Variants in OSBPL10 observed in about 807,000 individuals in gnomAD.
OSBPL10 encodes the protein oxysterol binding protein like 10.
In OSBPL10, 49 loss-of-function variants were observed where a neutral mutation model predicts 81.7. The ratio of observed to expected loss-of-function variants is 0.60; its 90% confidence interval spans 0.48 to 0.76. The LOEUF is 0.76. Ranked by LOEUF, OSBPL10 falls within the 30% of genes least tolerant of loss-of-function variation. The probability of loss-of-function intolerance (pLI) is 0.00; values close to 1 mark genes in which losing one functional copy is unlikely to be tolerated. For missense variants in OSBPL10, 923 were observed against 987.8 expected (o/e 0.93, Z 0.88); for synonymous variants, 419 against 383.6 (o/e 1.09, Z -1.08).
rs149648910 is a variant in OSBPL10, at chr3:31,708,696, T to C, written c.1096-6188A>G. ...GTTTTGGCATATGAATGCCAAATGG[T>C]TGATCCTGATGAACCTACTGTCCTT... On this transcript the variant is annotated intron_variant, in intron 6 of 11. Coordinates refer to ENST00000396556, the MANE Select transcript of OSBPL10 (RefSeq NM_017784.5). 1.7e-3 allele frequency: 1,691 copies of C among 980,654 alleles called. 2 individuals carry two copies. The highest frequency in any genetic ancestry group is 2.3e-3 in the Admixed American group (38 of 16,278). The allele number at this position is 980,654 out of a possible 1,614,324, so 60.7% of individuals were successfully genotyped here. A position where few individuals can be genotyped will look rare whatever the true frequency, so the allele number is the denominator to read the frequency against.
At chr3:31,978,554 C>G (rs754992158) in intron 1 of OSBPL10, among the ~76,000 whole-genome samples, 7 of 152,176 alleles carry the variant, frequency 4.6e-5, no homozygotes, top group Non-Finnish European at 7.3e-5. Context: ...GTAATCTTCT[C>G]CAAACCACTA....
At chr3:31,705,377 C>A (rs1256374826) in intron 6 of OSBPL10, among the ~76,000 whole-genome samples, 2 of 137,436 alleles carry the variant, frequency 1.5e-5, no homozygotes, top group Admixed American at 7.2e-5. Context: ...AGAAGACCCC[C>A]CCCCCCACCC....
intron 1 of OSBPL10, among the ~76,000 whole-genome samples, chr3:31,898,855 T>C (rs1436359433): frequency 5.3e-5 from 8 of 152,030 alleles, no homozygotes; most frequent in Non-Finnish European, 2.9e-5. Context: ...TGGATTCTTT[T>C]TAAGGACAGA....
chr3:32,052,118 G>A (rs1038101048), intron 1 of OSBPL10, among the ~76,000 whole-genome samples: 4 of 151,890 alleles, frequency 2.6e-5, no homozygotes, highest in South Asian at 4.2e-4. Context: ...GTGGTGGCAT[G>A]CACCTGTGGT....
At chr3:31,916,274 T>A (rs1030334541) in intron 1 of OSBPL10, among the ~76,000 whole-genome samples, 4 of 152,198 alleles carry the variant, frequency 2.6e-5, no homozygotes, top group African/African-American at 9.6e-5. Flanking sequence ...TAAGTTAACA[T>A]GCAGAAATCA....
Position 32,012,661 on chromosome 3 carries a change from A to C in OSBPL10, n.298+33830T>G, listed in dbSNP as rs1048797164. On this transcript the variant is annotated intron_variant and non_coding_transcript_variant, in intron 2 of 3. Transcript: ENST00000479173. ...ACACAGACTGGCAAATTGGATCAAG[A>C]GTCAAGACCCATCAGTGTGCTGTAT... is the stretch of plus-strand genomic sequence containing the variant. Among the ~76,000 whole-genome samples the C allele has an allele frequency of 5.9e-5, 9 of 152,224 alleles. 1 individual carries two copies. The highest frequency in any genetic ancestry group is 1.2e-4 in the Non-Finnish European group (8 of 68,044).
At chr3:31,986,847 T>A (rs577342696) in intron 2 of OSBPL10, among the ~76,000 whole-genome samples, 12 of 151,928 alleles carry the variant, frequency 7.9e-5, no homozygotes, top group African/African-American at 2.7e-4. Flanking sequence ...TCCAAAAAAA[T>A]TTTTAAAATA....
chr3:31,814,541 A>T (rs1193975147), intron 4 of OSBPL10, among the ~76,000 whole-genome samples: 1 of 152,154 alleles, frequency 6.6e-6, no homozygotes, highest in Non-Finnish European at 1.5e-5. Flanking sequence ...ACGCCACAGG[A>T]CACAGGTGCC....
intron 8 of OSBPL10, among the ~76,000 whole-genome samples, chr3:31,678,044 G>T (rs149703187): frequency 0.053 from 7,496 of 141,360 alleles, 768 homozygotes; most frequent in African/African-American, 0.2. Context: ...TTGCGCCACT[G>T]CAGTCCGCAG....
chr3:31,851,881 C>T (rs1700776078), intron 3 of OSBPL10, among the ~76,000 whole-genome samples: 1 of 152,154 alleles, frequency 6.6e-6, no homozygotes, highest in Non-Finnish European at 1.5e-5. Context: ...CACTCTGCAT[C>T]CCTTTCTGGG....
chr3:31,878,422 CA>C (rs1701533143), intron 2 of OSBPL10, among the ~76,000 whole-genome samples: 3 of 152,146 alleles, frequency 2.0e-5, no homozygotes, highest in African/African-American at 7.2e-5. Flanking sequence ...GCATGAATCT[CA>C]AGAGAACATG....
intron 3 of OSBPL10, among the ~76,000 whole-genome samples, chr3:31,856,781 AT>A (rs890041166): frequency 1.3e-5 from 2 of 152,334 alleles, no homozygotes; most frequent in African/African-American, 4.8e-5. Flanking sequence ...CTTCTTGAAA[AT>A]GTTTTCATGT....
chr3:31,825,911 AT>A (rs1473359686), intron 4 of OSBPL10, among the ~76,000 whole-genome samples: 1 of 152,158 alleles, frequency 6.6e-6, no homozygotes, highest in African/African-American at 2.4e-5. Flanking sequence ...CTGTATAGTT[AT>A]TTTCCTACTC....
rs34795137 is a variant in OSBPL10 at position 31,809,869 on chromosome 3, C to CTTTTTTTTTTTTTTTTTTT, written c.729+20152_729+20170dup. Among the ~76,000 whole-genome samples, 129 of 98,612 alleles carry CTTTTTTTTTTTTTTTTTTT rather than the reference C, an allele frequency of 1.3e-3. 18 individuals carry two copies. The highest frequency in any genetic ancestry group is 6.7e-3 in the African/African-American group (123 of 18,416). The allele number at this position is 98,612 out of a possible 152,430, so 64.7% of individuals were successfully genotyped here. A position where few individuals can be genotyped will look rare whatever the true frequency, so the allele number is the denominator to read the frequency against. ...AAATGTCAATGGGTGCCCCCTGACT[C>CTTTTTTTTTTTTTTTTTTT]TTTTTTTTTTTTTTTTTTTGAGATG... On this transcript the variant is annotated intron_variant, in intron 4 of 11. Coordinates refer to ENST00000396556, the MANE Select transcript of OSBPL10 (RefSeq NM_017784.5).
chr3:31,698,104 C>G (rs983790488), intron 7 of OSBPL10, among the ~76,000 whole-genome samples: 4 of 152,078 alleles, frequency 2.6e-5, no homozygotes, highest in African/African-American at 9.7e-5. Context: ...TGTTCACACC[C>G]TAGTCACCCC....
At chr3:31,730,819 C>G (rs1221492543) in intron 6 of OSBPL10, among the ~76,000 whole-genome samples, 2 of 152,168 alleles carry the variant, frequency 1.3e-5, no homozygotes, top group East Asian at 1.9e-4. Context: ...ACTTATCCCC[C>G]CAAAGACCTA....
At chr3:31,837,397 C>A (rs1163865856) in intron 3 of OSBPL10, among the ~76,000 whole-genome samples, 2 of 105,664 alleles carry the variant, frequency 1.9e-5, no homozygotes, top group East Asian at 2.8e-4. Context: ...AACACAGAGA[C>A]CTTTAAATGC....
chr3:31,896,709 C>A (rs532043266), intron 1 of OSBPL10, among the ~76,000 whole-genome samples: 119 of 152,344 alleles, frequency 7.8e-4, no homozygotes, highest in African/African-American at 2.8e-3. Flanking sequence ...GAAATCAGGG[C>A]AGTGCCTGCC....
chr3:31,809,593 T>C (rs777899144), intron 4 of OSBPL10, among the ~76,000 whole-genome samples: 2 of 152,218 alleles, frequency 1.3e-5, no homozygotes, highest in Admixed American at 6.5e-5. Context: ...TCTGAAGTTC[T>C]TGTGGAATAG....
Sources: gnomAD v4.1 joint callset for allele counts (sites outside exome capture counted in the v4.1 genomes callset) on GRCh38, gnomAD v4.1.1 for gene constraint, MANE v1.5 for transcripts, NCBI Gene and HGNC (gene_info 2026-07-23, HGNC 2026-07-21) for gene names.